Variants in PDGFD observed in about 807,000 individuals in gnomAD.
The protein encoded by PDGFD is platelet-derived growth factor D.
PDGFD carries 30 observed loss-of-function variants against 44.7 expected under a neutral mutation model. The observed-to-expected ratio is 0.67, with a 90% CI of 0.50 to 0.91. PDGFD has a LOEUF of 0.91. PDGFD is among the 40% of genes least tolerant of loss of function. The pLI, the probability that PDGFD is intolerant of heterozygous loss-of-function variation, is 0.00. For synonymous variants in PDGFD, 173 were observed against 168.4 expected (o/e 1.03, Z -0.21); for missense variants, 445 against 457.8 (o/e 0.97, Z 0.25).
At chr11:104,000,285 G>A in intron 1 of PDGFD, 30 bp from the exon 2 acceptor site, 1 of 1,570,112 alleles carries the variant, frequency 6.4e-7, no homozygotes, top group Non-Finnish European at 8.8e-7. Context: ...GTAGAAATTA[G>A]TATGTTGCTC....
chr11:103,996,123 A>C lies in PDGFD; in HGVS notation c.452T>G (p.Phe151Cys). The C allele has an allele frequency of 6.2e-7, 1 of 1,613,840 alleles. No individual in the cohort carries two copies. The highest frequency in any genetic ancestry group is 1.1e-5 in the South Asian group (1 of 91,064). Residue 151 changes from phenylalanine to cysteine, a missense_variant, in exon 3 of 7, where the codon TTC (phenylalanine) becomes TGC (cysteine). Transcript: ENST00000393158. ...AGCCACAAAGTAGTCATCGGACTTG[A>C]ATGTGATTTTAATTTGGTTCGTTCT... ...KSRTNQIKITFKSDDYFVAKP... is the reference protein window; with the variant it reads ...KSRTNQIKITCKSDDYFVAKP...
rs369582816 is a variant in PDGFD at position 103,910,366 on chromosome 11, C to T, written c.988-547G>A. 1.0e-3 allele frequency among the ~76,000 whole-genome samples: 153 copies of T among 152,282 alleles called. 1 individual carries two copies. Among genetic ancestry groups the T allele is most frequent in the African/African-American group, 2.9e-3 (121 of 41,548 alleles). On this transcript the variant is annotated intron_variant, in intron 6 of 6. Transcript: ENST00000393158. ...TTCCCAGCGAGATCAATGCAGAAGG[C>T]GGGTGATTTCTCCATTCCCAACTGA...
At chr11:103,914,454 T>C (rs1335095670) in intron 6 of PDGFD, among the ~76,000 whole-genome samples, 1 of 152,140 alleles carries the variant, frequency 6.6e-6, no homozygotes, top group Non-Finnish European at 1.5e-5. Context: ...GAAGCAGTAA[T>C]TGATAGCCTA....
chr11:103,933,607 G>C (rs535549404), intron 5 of PDGFD, among the ~76,000 whole-genome samples: 2 of 152,158 alleles, frequency 1.3e-5, no homozygotes, highest in East Asian at 1.9e-4. Flanking sequence ...TGATTTTCAA[G>C]GTTTAGAAGC....
intron 1 of PDGFD, among the ~76,000 whole-genome samples, chr11:104,019,416 A>G (rs1859916219): frequency 6.6e-6 from 1 of 152,212 alleles, no homozygotes. Flanking sequence ...ATTCAAGGAT[A>G]ATAAAAGAAA....
chr11:104,053,146 G>A (rs1860567791), intron 1 of PDGFD, among the ~76,000 whole-genome samples: 2 of 152,142 alleles, frequency 1.3e-5, no homozygotes, highest in South Asian at 4.1e-4. Context: ...ACTGAAGTGG[G>A]TTAGTGATCT....
At chr11:104,142,378 C>T (rs1862098272) in intron 1 of PDGFD, among the ~76,000 whole-genome samples, 1 of 151,830 alleles carries the variant, frequency 6.6e-6, no homozygotes, top group Non-Finnish European at 1.5e-5. Flanking sequence ...ATAACATATA[C>T]TCACACACAA....
At position 103,929,172 on chromosome 11, in the gene PDGFD, A is replaced by C. The variant is rs1858362289; in HGVS notation, c.773-2046T>G. ...AGTTGTTCCCCACCCATTTCAAGTGAGTATTATTTGCTAAGAGTTAACAGT... is the reference window on the plus strand; with the variant it reads ...AGTTGTTCCCCACCCATTTCAAGTGCGTATTATTTGCTAAGAGTTAACAGT... On this transcript the variant is annotated intron_variant, in intron 5 of 6. Transcript: ENST00000393158. 2.0e-5 allele frequency among the ~76,000 whole-genome samples: 3 copies of C among 152,202 alleles called. No homozygotes were observed. In the South Asian group the frequency reaches 6.2e-4, roughly 31 times the overall value.
At chr11:103,991,431 C>T (rs560106116) in intron 3 of PDGFD, among the ~76,000 whole-genome samples, 2 of 151,944 alleles carry the variant, frequency 1.3e-5, no homozygotes, top group Non-Finnish European at 2.9e-5. Context: ...ATGGAAATAA[C>T]GGCATCACTT....
chr11:103,948,912 G>A (rs78480505), intron 3 of PDGFD, among the ~76,000 whole-genome samples: 6,499 of 150,894 alleles, frequency 0.043, 197 homozygotes, highest in Middle Eastern at 0.062. Context: ...GTTGATAGGT[G>A]CAACAAACCA....
intron 1 of PDGFD, among the ~76,000 whole-genome samples, chr11:104,060,981 C>A (rs780890668): frequency 6.6e-6 from 1 of 152,232 alleles, no homozygotes; most frequent in South Asian, 2.1e-4. Flanking sequence ...AGAAACTCTA[C>A]AACCACTAAG....
At chr11:104,091,367 C>T (rs1358304471) in intron 1 of PDGFD, among the ~76,000 whole-genome samples, 1 of 152,080 alleles carries the variant, frequency 6.6e-6, no homozygotes, top group African/African-American at 2.4e-5. Flanking sequence ...GGAAGGTATG[C>T]CCCCTTCGTT....
intron 1 of PDGFD, among the ~76,000 whole-genome samples, chr11:104,149,011 A>G (rs1862206735): frequency 6.6e-6 from 1 of 152,160 alleles, no homozygotes; most frequent in Non-Finnish European, 1.5e-5. Flanking sequence ...GTGGTTACTA[A>G]AAATCTTTAA....
Position 104,056,285 on chromosome 11 carries a change from C to A in PDGFD, c.125-56030G>T, listed in dbSNP as rs1014999354. ...ATGTCTTTATTTTCACAGTTAATTT[C>A]TATCTAGACATTTGTAGTGGATTGA... On this transcript the variant is annotated intron_variant, in intron 1 of 6. Coordinates refer to ENST00000393158, the MANE Select transcript of PDGFD (RefSeq NM_025208.5). Among the ~76,000 whole-genome samples the A allele has an allele frequency of 2.0e-5, 3 of 152,086 alleles. No individual in the cohort carries two copies. In the East Asian group the frequency reaches 5.8e-4, roughly 29 times the overall value.
At chr11:104,109,306 T>G (rs181733) in intron 1 of PDGFD, among the ~76,000 whole-genome samples, 70,298 of 151,930 alleles carry the variant, frequency 0.46, 17,121 homozygotes, top group African/African-American at 0.62. Flanking sequence ...CTTGCTGTGT[T>G]ATTCGAGATG....
intron 4 of PDGFD, among the ~76,000 whole-genome samples, chr11:103,947,090 T>C (rs960200638): frequency 6.6e-6 from 1 of 152,194 alleles, no homozygotes; most frequent in African/African-American, 2.4e-5. Context: ...GCAAAGTAGA[T>C]AAGGAGACTG....
intron 1 of PDGFD, among the ~76,000 whole-genome samples, chr11:104,156,937 TC>T (rs1862315967): frequency 1.3e-5 from 2 of 152,226 alleles, no homozygotes; most frequent in South Asian, 2.1e-4. Flanking sequence ...TTGGATTCTT[TC>T]CTTTTTGCTG....
At chr11:104,116,782 C>A (rs1353678095) in intron 1 of PDGFD, among the ~76,000 whole-genome samples, 1 of 151,940 alleles carries the variant, frequency 6.6e-6, no homozygotes, top group African/African-American at 2.4e-5. Flanking sequence ...AGGGGCCGGT[C>A]TTTCCCGTGG....
At chr11:104,124,238 A>C (rs361293) in intron 1 of PDGFD, among the ~76,000 whole-genome samples, 98,500 of 151,858 alleles carry the variant, frequency 0.65, 32,576 homozygotes, top group African/African-American at 0.79. Flanking sequence ...AAGCCAGATA[A>C]GAGGGAGGAA....
Sources: gnomAD v4.1 joint callset for allele counts (sites outside exome capture counted in the v4.1 genomes callset) on GRCh38, gnomAD v4.1.1 for gene constraint, MANE v1.5 for transcripts, NCBI Gene and HGNC (gene_info 2026-07-23, HGNC 2026-07-21) for gene names.